The following COMMD1 variants were observed in gnomAD, a reference collection of about 807,000 sequenced individuals.
COMMD1 encodes COMM domain-containing protein 1.
A neutral mutation model predicts 17.2 loss-of-function variants in COMMD1; 10 were observed. The observed-to-expected ratio is 0.58, with a 90% confidence interval of 0.36 to 0.99. The LOEUF (loss-of-function observed/expected upper bound fraction) is 0.99. Among genes scored for constraint, COMMD1 ranks in the 50% least tolerant of loss-of-function variants. The probability of loss-of-function intolerance (pLI) is 0.01; values close to 1 mark genes in which losing one functional copy is unlikely to be tolerated. For synonymous variants in COMMD1, 97 were observed against 91.6 expected (o/e 1.06, Z -0.34); for missense variants, 270 against 231.8 (o/e 1.17, Z -1.07).
intron 2 of COMMD1, among the ~76,000 whole-genome samples, chr2:62,045,730 ATTTTTTTTTT>A (rs71410917): frequency 1.2e-5 from 1 of 84,896 alleles, no homozygotes; most frequent in Non-Finnish European, 2.3e-5. Context: ...TTTCAAGTTA[ATTTTTTTTTT>A]TTTTTTTTTT....
intron 2 of COMMD1, among the ~76,000 whole-genome samples, chr2:62,061,539 G>GTCTT (rs1670854730): frequency 6.7e-6 from 1 of 149,260 alleles, no homozygotes; most frequent in African/African-American, 2.5e-5. Context: ...ATGTGTGGCT[G>GTCTT]TCTTTCTTTC....
chr2:61,905,970 C>T (rs887515930), intron 1 of COMMD1, 112 bp downstream of exon 1: 116 of 1,039,406 alleles, frequency 1.1e-4, no homozygotes, highest in Non-Finnish European at 1.5e-4. Context: ...GCTTTTCCCT[C>T]TCAGACCTCC....
intron 1 of COMMD1, among the ~76,000 whole-genome samples, chr2:61,920,932 C>T (rs1670173567): frequency 7.0e-6 from 1 of 142,242 alleles, no homozygotes; most frequent in Non-Finnish European, 1.5e-5. Context: ...TATATGTATA[C>T]ATATACGTGT....
chr2:62,010,934 C>T (rs1669259768), intron 2 of COMMD1, among the ~76,000 whole-genome samples: 3 of 152,188 alleles, frequency 2.0e-5, no homozygotes, highest in Admixed American at 2.0e-4. Context: ...CAGTTCACTC[C>T]AGTGGCTTTC....
At chr2:62,083,136 G>A (rs1401845337) in intron 2 of COMMD1, among the ~76,000 whole-genome samples, 1 of 152,182 alleles carries the variant, frequency 6.6e-6, no homozygotes, top group Non-Finnish European at 1.5e-5. Context: ...GCACATGCCA[G>A]TAGTCCCATC....
upstream of COMMD1, chr2:61,888,441 C>T (rs1375526840): frequency 3.1e-6 from 5 of 1,611,674 alleles, no homozygotes; most frequent in South Asian, 3.3e-5. Flanking sequence ...TCCTGATAGG[C>T]GCCTTTCCCG....
intron 1 of COMMD1, among the ~76,000 whole-genome samples, chr2:61,909,786 A>G (rs1572951528): frequency 6.6e-6 from 1 of 152,350 alleles, no homozygotes; most frequent in Non-Finnish European, 1.5e-5. Context: ...AGGAGGGGAC[A>G]TGTACTTCCC....
chr2:62,072,747 C>G (rs1671233704), intron 2 of COMMD1, among the ~76,000 whole-genome samples: 1 of 152,234 alleles, frequency 6.6e-6, no homozygotes, highest in African/African-American at 2.4e-5. Context: ...TTCCCCACAT[C>G]TAGATGCTGG....
In COMMD1 at chr2:62,095,807, C is replaced by CATATATATATATATATAT. The variant is rs143205759; in HGVS notation, c.463-40010_463-40009insATATATATATATATATAT. Reference sequence around the variant, plus strand: ...TTGTGTAGTCAAGTTTCACAGCATGCATATATATATATATGCATATCAGGG... The same window carrying CATATATATATATATATAT: ...TTGTGTAGTCAAGTTTCACAGCATGCATATATATATATATATATATATATATATATATGCATATCAGGG... On this transcript the variant is annotated intron_variant, in intron 2 of 2. Coordinates refer to ENST00000311832, the MANE Select transcript of COMMD1 (RefSeq NM_152516.4). Among the ~76,000 whole-genome samples the CATATATATATATATATAT allele has an allele frequency of 3.6e-3, 247 of 67,932 alleles. 38 individuals carry two copies. Among genetic ancestry groups the CATATATATATATATATAT allele is most frequent in the African/African-American group, 0.014 (163 of 11,478 alleles). 44.6% of individuals were successfully genotyped at this position (67,932 alleles called of 152,430 possible).
intron 2 of COMMD1, among the ~76,000 whole-genome samples, chr2:62,075,613 A>G (rs1027459792): frequency 6.6e-6 from 1 of 152,144 alleles, no homozygotes; most frequent in Non-Finnish European, 1.5e-5. Flanking sequence ...GAGTTTCCCA[A>G]ATGAATTTCC....
intron 2 of COMMD1, among the ~76,000 whole-genome samples, chr2:62,067,499 A>G (rs1022776160): frequency 1.3e-5 from 2 of 152,242 alleles, no homozygotes; most frequent in Non-Finnish European, 2.9e-5. Flanking sequence ...CTGATGCTTC[A>G]TAACAAGACA....
rs1358965668 is a variant in COMMD1 at position 62,068,054 on chromosome 2, AAG to A, written c.462+67073_462+67074del. 2.0e-5 allele frequency among the ~76,000 whole-genome samples: 3 copies of A among 152,300 alleles called. No homozygotes were observed. In the East Asian group the frequency reaches 5.8e-4, roughly 29 times the overall value. On this transcript the variant is annotated intron_variant, in intron 2 of 2. Transcript: ENST00000311832. ...CTGATCACAGTGTAGCCACCAGATA[AAG>A]CCATTCAGTTCGTGGTCCCAGTTAA...
chr2:62,071,951 A>G (rs1379067491), intron 2 of COMMD1, among the ~76,000 whole-genome samples: 3 of 152,100 alleles, frequency 2.0e-5, no homozygotes, highest in African/African-American at 4.8e-5. Flanking sequence ...ATGCAAGGCA[A>G]GTGTTAAGTC....
intron 2 of COMMD1, among the ~76,000 whole-genome samples, chr2:62,005,609 G>A (rs1669090048): frequency 6.6e-6 from 1 of 152,194 alleles, no homozygotes; most frequent in East Asian, 1.9e-4. Flanking sequence ...ATCATCACTG[G>A]CCATCCAGAG....
intron 2 of COMMD1, among the ~76,000 whole-genome samples, chr2:62,101,837 A>C (rs928411650): frequency 6.6e-6 from 1 of 152,278 alleles, no homozygotes; most frequent in African/African-American, 2.4e-5. Flanking sequence ...TCACCTTGGT[A>C]GCTCTCTAAA....
chr2:62,047,801 C>G (rs1670421807), intron 2 of COMMD1, among the ~76,000 whole-genome samples: 1 of 152,094 alleles, frequency 6.6e-6, no homozygotes, highest in Non-Finnish European at 1.5e-5. Flanking sequence ...TGTATTTTTA[C>G]ACTGTATATT....
At chr2:62,085,169 C>A (rs555540592) in intron 2 of COMMD1, among the ~76,000 whole-genome samples, 2 of 151,984 alleles carry the variant, frequency 1.3e-5, no homozygotes, top group Non-Finnish European at 2.9e-5. Context: ...CTTTCTAACT[C>A]TCTTAAGTCC....
chr2:62,074,919 C>T (rs1179898138), intron 2 of COMMD1, among the ~76,000 whole-genome samples: 19 of 129,822 alleles, frequency 1.5e-4, no homozygotes, highest in Non-Finnish European at 2.6e-4. Flanking sequence ...GGCAAAGTCT[C>T]GCTCTTGTTG....
At chr2:61,913,796 CA>C (rs1164297104) in intron 1 of COMMD1, among the ~76,000 whole-genome samples, 3 of 14,512 alleles carry the variant, frequency 2.1e-4, no homozygotes, top group South Asian at 6.6e-3. Context: ...ACTCCATCTC[CA>C]AAAAAAAAAA....
Sources: allele counts gnomAD v4.1 joint callset (sites outside exome capture counted in the v4.1 genomes callset), GRCh38; gene constraint gnomAD v4.1.1; transcripts MANE v1.5; gene names NCBI Gene and HGNC (gene_info 2026-07-23, HGNC 2026-07-21).